TRAK1: variants seen among roughly 807,000 people sequenced by gnomAD.
The protein encoded by TRAK1 is trafficking kinesin-binding protein 1.
In TRAK1, 33 loss-of-function variants were observed where a neutral mutation model predicts 92.1. The observed-to-expected ratio is 0.36, with a 90% CI of 0.27 to 0.48. TRAK1 has a LOEUF of 0.48. Among genes scored for constraint, TRAK1 ranks in the 20% least tolerant of loss-of-function variants. The probability of loss-of-function intolerance (pLI) is 0.99; values close to 1 mark genes in which losing one functional copy is unlikely to be tolerated. For missense variants in TRAK1, 1,123 were observed against 1,257.9 expected (o/e 0.89, Z 1.62); for synonymous variants, 521 against 517.3 (o/e 1.01, Z -0.10).
chr3:42,157,151 G>A (rs565533247), intron 2 of TRAK1, among the ~76,000 whole-genome samples: 6 of 148,440 alleles, frequency 4.0e-5, no homozygotes, highest in African/African-American at 1.5e-4. Context: ...GACTCTGTCT[G>A]GAAAAAAAAA....
chr3:42,055,933 A>C (rs542945205), intron 1 of TRAK1, among the ~76,000 whole-genome samples: 3 of 152,334 alleles, frequency 2.0e-5, no homozygotes, highest in African/African-American at 7.2e-5. Context: ...ATCATACAAT[A>C]TGTAGTCCTT....
chr3:42,178,450 G>T (rs1017815251), intron 3 of TRAK1, among the ~76,000 whole-genome samples: 1 of 152,070 alleles, frequency 6.6e-6, no homozygotes. Context: ...TAACTGCGTT[G>T]GTTCTTTCCT....
In TRAK1 at chr3:42,209,998, A is replaced by T; in HGVS notation, c.1963+13A>T. 1 of 1,614,126 alleles carries T rather than the reference A, an allele frequency of 6.2e-7. No homozygotes were observed. The highest frequency in any genetic ancestry group is 1.1e-5 in the South Asian group (1 of 91,074). ...CCAGAGACCTCAGGTGAGAGGTCCC[A>T]AGCACGTGTGACTGTCTCAGGCAGC... On this transcript the variant is annotated intron_variant, in intron 14 of 15. Coordinates refer to ENST00000327628, the MANE Select transcript of TRAK1 (RefSeq NM_001042646.3).
chr3:42,174,455 T>C (rs745637620), intron 2 of TRAK1, among the ~76,000 whole-genome samples: 22 of 152,126 alleles, frequency 1.4e-4, no homozygotes, highest in Admixed American at 6.6e-4. Flanking sequence ...AATGTTACCA[T>C]TGGGGGAACT....
chr3:42,135,287 G>A (rs983594567), intron 2 of TRAK1, among the ~76,000 whole-genome samples: 1 of 152,210 alleles, frequency 6.6e-6, no homozygotes, highest in Non-Finnish European at 1.5e-5. Context: ...GTGGAGCCCA[G>A]TACCTGGCAC....
rs1707120477 is a variant in TRAK1 at position 42,198,804 on chromosome 3, A to G, written c.1114-373A>G. Among the ~76,000 whole-genome samples the G allele has an allele frequency of 3.3e-5, 5 of 151,908 alleles. No individual in the cohort carries two copies. In the South Asian group the frequency reaches 1.0e-3, roughly 32 times the overall value. Reference sequence around the variant, plus strand: ...ACTGTAAGCTCAGAGGTATTTGGAAATTCACCTGTCTCCATCATTCTGAAC... The same window carrying G: ...ACTGTAAGCTCAGAGGTATTTGGAAGTTCACCTGTCTCCATCATTCTGAAC... On this transcript the variant is annotated intron_variant, in intron 10 of 15. Transcript: ENST00000327628.
chr3:42,158,670 G>T (rs987105870), intron 2 of TRAK1, among the ~76,000 whole-genome samples: 1 of 150,894 alleles, frequency 6.6e-6, no homozygotes, highest in Non-Finnish European at 1.5e-5. Flanking sequence ...AGGTCTGGGC[G>T]TGGTGGTTCA....
chr3:42,220,657 T>A, intron 15 of TRAK1: 4 of 947,562 alleles, frequency 4.2e-6, no homozygotes, highest in Non-Finnish European at 5.0e-6. Context: ...TGTGCACGCG[T>A]GGCCGCCACT....
rs201467867 is a variant in TRAK1 at position 42,184,849 on chromosome 3, G to A, written c.480+48G>A. ...TTCCAGAGGGGCCCGCCACAGGCCT[G>A]GGAGCTGGAGGCATGGCTGAAGGAG... is the stretch of plus-strand genomic sequence containing the variant. On this transcript the variant is annotated intron_variant, in intron 4 of 15. Coordinates refer to ENST00000327628, the MANE Select transcript of TRAK1 (RefSeq NM_001042646.3). The A allele has an allele frequency of 3.2e-6, 5 of 1,549,866 alleles. No homozygotes were observed. In the East Asian group the frequency reaches 1.1e-4, roughly 35 times the overall value.
chr3:42,198,738 A>G (rs963504850), intron 10 of TRAK1, among the ~76,000 whole-genome samples: 11 of 152,150 alleles, frequency 7.2e-5, no homozygotes, highest in African/African-American at 1.9e-4. Flanking sequence ...TAGGGGGACA[A>G]TAGCTTTGTG....
In TRAK1 at chr3:42,160,168, C is replaced by T. The variant is rs557249462; in HGVS notation, c.287-16646C>T. The T allele has an allele frequency of 1.2e-4, 155 of 1,320,552 alleles. No homozygotes were observed. The African/African-American group carries it at 1.6e-3, about 13-fold the overall frequency. 81.8% of individuals were successfully genotyped at this position (1,320,552 alleles called of 1,614,324 possible). ...GAGCCACCCCCTTCCGGGTCCTGCC[C>T]GGGTGATGCTGGGCCAGGAGCTTTG... On this transcript the variant is annotated intron_variant, in intron 2 of 15. Coordinates refer to ENST00000327628, the MANE Select transcript of TRAK1 (RefSeq NM_001042646.3).
chr3:42,187,039 C>CAAA (rs1283791364), intron 4 of TRAK1, among the ~76,000 whole-genome samples: 2 of 152,220 alleles, frequency 1.3e-5, no homozygotes, highest in Non-Finnish European at 2.9e-5. Context: ...AAAACTTTTA[C>CAAA]AGTCCAACTT....
At chr3:42,030,143 ATTG>A (rs898497525) in intron 1 of TRAK1, among the ~76,000 whole-genome samples, 1 of 152,176 alleles carries the variant, frequency 6.6e-6, no homozygotes, top group Admixed American at 6.5e-5. Context: ...GGGCTTAAAA[ATTG>A]TTGTTGGCTG....
In TRAK1 at chr3:42,184,806, G is replaced by A; in HGVS notation, c.480+5G>A. 3 of 1,613,026 alleles carry A rather than the reference G, an allele frequency of 1.9e-6. No homozygotes were observed. The highest frequency in any genetic ancestry group is 2.5e-6 in the Non-Finnish European group (3 of 1,179,700). ...GTGGAACACATCAGGGAGGAGGTAA[G>A]ACATTGGAGGCCGAGGCTTCCAGAG... On this transcript the variant is annotated splice_donor_5th_base_variant and intron_variant, in intron 4 of 15. Transcript: ENST00000327628.
At chr3:42,178,662 A>G (rs1285871327) in intron 3 of TRAK1, among the ~76,000 whole-genome samples, 1 of 152,084 alleles carries the variant, frequency 6.6e-6, no homozygotes, top group Non-Finnish European at 1.5e-5. Flanking sequence ...CCAGGCTGAT[A>G]TTAAACTCTG....
At chr3:42,013,442 C>T (rs1402995123), upstream of TRAK1, among the ~76,000 whole-genome samples, 3 of 152,138 alleles carry the variant, frequency 2.0e-5, no homozygotes, top group Non-Finnish European at 4.4e-5. This position sits in a 1 kb window ranked among gnomAD's most constrained non-coding sequence, Gnocchi z 5.1. Flanking sequence ...TCTCTGTGCC[C>T]CACGGCGTGG....
chr3:42,130,485 C>T (rs952510438), intron 2 of TRAK1, among the ~76,000 whole-genome samples: 1 of 152,142 alleles, frequency 6.6e-6, no homozygotes, highest in Admixed American at 6.5e-5. Context: ...AAGGAATTAG[C>T]CAACAGTATT....
At chr3:42,086,050 G>C (rs1704655288), upstream of TRAK1, among the ~76,000 whole-genome samples, 1 of 152,166 alleles carries the variant, frequency 6.6e-6, no homozygotes, top group Non-Finnish European at 1.5e-5. Context: ...ATGTTTTGTA[G>C]GTTTCCTTTT....
chr3:42,155,814 CAT>C (rs1206461629), intron 2 of TRAK1, among the ~76,000 whole-genome samples: 1 of 152,152 alleles, frequency 6.6e-6, no homozygotes, highest in East Asian at 1.9e-4. Context: ...TAAATGTAAA[CAT>C]AAATAGTCCC....
Sources: gnomAD v4.1 joint callset for allele counts (sites outside exome capture counted in the v4.1 genomes callset) on GRCh38, gnomAD v4.1.1 for gene constraint, Gnocchi (gnomAD v3.1) non-coding constraint, MANE v1.5 for transcripts, NCBI Gene and HGNC (gene_info 2026-07-23, HGNC 2026-07-21) for gene names.